The following ADGRL3 variants were observed in gnomAD, a reference collection of about 807,000 sequenced individuals.
ADGRL3 encodes calcium-independent alpha-latrotoxin receptor 3.
In ADGRL3, 62 loss-of-function variants were observed where a neutral mutation model predicts 153.5. The ratio of observed to expected loss-of-function variants is 0.40; its 90% confidence interval spans 0.33 to 0.50. The LOEUF is 0.50. Among genes scored for constraint, ADGRL3 ranks in the 20% least tolerant of loss-of-function variants. The pLI is 0.47. For synonymous variants in ADGRL3, 710 were observed against 672.5 expected (o/e 1.06, Z -0.86); for missense variants, 1,641 against 1,859.4 (o/e 0.88, Z 2.16).
At chr4:61,571,748 T>C (rs1415999387) in intron 4 of ADGRL3, among the ~76,000 whole-genome samples, 2 of 152,236 alleles carry the variant, frequency 1.3e-5, no homozygotes, top group Non-Finnish European at 2.9e-5. Context: ...TCATTTACTA[T>C]GTGCCTAGCA....
rs1579279962 is a variant in ADGRL3, at chr4:61,514,631, G to A, written c.56-2684G>A. On this transcript the variant is annotated intron_variant, in intron 3 of 26. Coordinates refer to ENST00000683033, the MANE Select transcript of ADGRL3 (RefSeq NM_001387552.1). ...ATTGGATTTCTTTTATAGATACAGT[G>A]AATTTAAATGAGTGTATGAACTACA... 2.0e-5 allele frequency among the ~76,000 whole-genome samples: 3 copies of A among 152,092 alleles called. No individual in the cohort carries two copies. The South Asian group carries it at 6.2e-4, about 32-fold the overall frequency.
intron 9 of ADGRL3, among the ~76,000 whole-genome samples, chr4:61,867,539 T>TATATATATATATATATATATATATATAA (rs1001275572): frequency 7.2e-6 from 1 of 138,742 alleles, no homozygotes; most frequent in South Asian, 2.3e-4. Flanking sequence ...TATATATATA[T>TATATATATATATATATATATATATATAA]AATTGTAGGA....
At chr4:62,028,978 C>A in intron 22 of ADGRL3, 97 bp downstream of exon 22, 3 of 1,078,888 alleles carry the variant, frequency 2.8e-6, no homozygotes, top group South Asian at 1.5e-5. Context: ...GAGCTTCTGT[C>A]ATTCACGTAG....
intron 9 of ADGRL3, among the ~76,000 whole-genome samples, chr4:61,857,009 TTTCTTTCC>T (rs2149237652): frequency 7.0e-6 from 1 of 142,566 alleles, no homozygotes; most frequent in East Asian, 2.2e-4. Flanking sequence ...TCTTTCTTTC[TTTCTTTCC>T]TTCCTCCCTT....
At chr4:61,658,660 T>C (rs896718751) in intron 5 of ADGRL3, among the ~76,000 whole-genome samples, 17 of 152,214 alleles carry the variant, frequency 1.1e-4, no homozygotes, top group African/African-American at 3.9e-4. Context: ...CTGTGCCTTC[T>C]AATCTAAGAG....
intron 3 of ADGRL3, among the ~76,000 whole-genome samples, chr4:61,517,091 T>C (rs929779384): frequency 2.6e-5 from 4 of 151,862 alleles, no homozygotes; most frequent in African/African-American, 9.7e-5. Context: ...TTTTTTTTTT[T>C]TAGCTTAATT....
At chr4:61,907,431 G>A (rs758583346) in intron 11 of ADGRL3, among the ~76,000 whole-genome samples, 6 of 151,816 alleles carry the variant, frequency 4.0e-5, no homozygotes, top group Non-Finnish European at 5.9e-5. Flanking sequence ...GCTAATGTTT[G>A]TATTTTCACT....
At chr4:62,053,775 T>C (rs1360077460) in intron 25 of ADGRL3, among the ~76,000 whole-genome samples, 1 of 151,590 alleles carries the variant, frequency 6.6e-6, no homozygotes. Context: ...TTTTCAAATA[T>C]AGCTTCCAAT....
At chr4:61,752,496 G>A (rs778493329) in intron 8 of ADGRL3, among the ~76,000 whole-genome samples, 17 of 128,198 alleles carry the variant, frequency 1.3e-4, no homozygotes, top group Admixed American at 3.6e-4. Flanking sequence ...AGATTTCTCT[G>A]TGTTCCTTCA....
intron 13 of ADGRL3, among the ~76,000 whole-genome samples, chr4:61,913,785 C>A (rs1397202960): frequency 2.6e-5 from 4 of 152,050 alleles, no homozygotes; most frequent in African/African-American, 9.7e-5. Context: ...ACTTAGTGAG[C>A]ATAAAATCAT....
intron 8 of ADGRL3, among the ~76,000 whole-genome samples, chr4:61,753,497 C>G (rs991556393): frequency 7.2e-5 from 11 of 152,080 alleles, no homozygotes; most frequent in Admixed American, 5.2e-4. Flanking sequence ...TTAGATATTC[C>G]TAACAAGAAC....
At chr4:62,022,301 A>T (rs2099241765) in intron 21 of ADGRL3, among the ~76,000 whole-genome samples, 2 of 152,174 alleles carry the variant, frequency 1.3e-5, no homozygotes, top group Non-Finnish European at 2.9e-5. Context: ...GCTGTAGAAG[A>T]AAAGTTTGTT....
chr4:61,370,953 C>G (rs2096512281), intron 1 of ADGRL3, among the ~76,000 whole-genome samples: 1 of 150,478 alleles, frequency 6.6e-6, no homozygotes, highest in South Asian at 2.1e-4. Context: ...GTTAGCTCTT[C>G]TTGTTGAATT....
intron 13 of ADGRL3, among the ~76,000 whole-genome samples, chr4:61,915,123 G>T (rs1471007823): frequency 6.6e-6 from 1 of 151,752 alleles, no homozygotes; most frequent in African/African-American, 2.4e-5. Flanking sequence ...AGATTAGGAA[G>T]ATAAACTTTT....
intron 8 of ADGRL3, among the ~76,000 whole-genome samples, chr4:61,774,275 T>G (rs1233102846): frequency 5.3e-5 from 8 of 150,556 alleles, no homozygotes; most frequent in Non-Finnish European, 1.2e-4. Flanking sequence ...GAGAATCACT[T>G]GAACCTGGGA....
chr4:61,690,732 C>T (rs2151120667), intron 6 of ADGRL3, among the ~76,000 whole-genome samples: 1 of 151,938 alleles, frequency 6.6e-6, no homozygotes, highest in African/African-American at 2.4e-5. Context: ...ATTCTGATTG[C>T]TCAAGGACCA....
intron 1 of ADGRL3, among the ~76,000 whole-genome samples, chr4:61,244,103 T>A (rs1422667466): frequency 6.6e-6 from 1 of 152,034 alleles, no homozygotes; most frequent in African/African-American, 2.4e-5. Context: ...GAAATATTTG[T>A]AGGTTATGGA....
intron 1 of ADGRL3, among the ~76,000 whole-genome samples, chr4:61,345,109 T>G (rs1329027606): frequency 2.0e-5 from 3 of 152,040 alleles, no homozygotes; most frequent in African/African-American, 7.2e-5. Flanking sequence ...TACATTTATT[T>G]TAAATAAATA....
At chr4:61,459,822 CT>C (rs2097789740) in intron 2 of ADGRL3, among the ~76,000 whole-genome samples, 1 of 151,664 alleles carries the variant, frequency 6.6e-6, no homozygotes, top group African/African-American at 2.4e-5. Flanking sequence ...TTTTTTTCTT[CT>C]TGTAGTGCAA....
Sources: gnomAD v4.1 joint callset for allele counts (sites outside exome capture counted in the v4.1 genomes callset) on GRCh38, gnomAD v4.1.1 for gene constraint, MANE v1.5 for transcripts, NCBI Gene and HGNC (gene_info 2026-07-23, HGNC 2026-07-21) for gene names.